DST: variants seen among roughly 807,000 people sequenced by gnomAD.
DST encodes the protein bullous pemphigoid antigen.
In DST, 253 loss-of-function variants were observed where a neutral mutation model predicts 875.2. The observed-to-expected ratio is 0.29, with a 90% confidence interval of 0.26 to 0.32. The LOEUF is 0.32. DST is among the 10% of genes least tolerant of loss of function. The pLI, the probability that DST is intolerant of heterozygous loss-of-function variation, is 1.00. For missense variants in DST, 8,287 were observed against 9,111.6 expected (o/e 0.91, Z 3.68); for synonymous variants, 3,124 against 3,197.1 (o/e 0.98, Z 0.77).
Position 56,629,457 on chromosome 6 carries a change from A to AT in DST, c.4282-15dup. ...AGATCTCCATTGCTAAAATACATTAATTGGTAAAAGTTATAAAAATGTTAA... is the reference window on the plus strand; with the variant it reads ...AGATCTCCATTGCTAAAATACATTAATTTGGTAAAAGTTATAAAAATGTTAA... On this transcript the variant is annotated splice_polypyrimidine_tract_variant and intron_variant, in intron 31 of 103. Coordinates refer to ENST00000680361, the MANE Select transcript of DST (RefSeq NM_001374736.1). 6.2e-7 allele frequency: 1 copy of AT among 1,600,574 alleles called. No homozygotes were observed. The highest frequency in any genetic ancestry group is 8.6e-7 in the Non-Finnish European group (1 of 1,168,428).
At position 56,618,419 on chromosome 6, in the gene DST, G is replaced by A. The variant is rs894649119; in HGVS notation, c.4930-3935C>T. On this transcript the variant is annotated intron_variant, in intron 36 of 103. Transcript: ENST00000680361. ...TGGTTTGAAGGTACAGTCTTTGGCT[G>A]TGCTCTTTTTTTGAATTTCACACTG... 2 of 1,614,168 alleles carry A rather than the reference G, an allele frequency of 1.2e-6. No individual in the cohort carries two copies. The highest frequency in any genetic ancestry group is 1.7e-6 in the Non-Finnish European group (2 of 1,180,026).
chr6:56,887,214 G>A (rs79955446), intron 3 of DST, among the ~76,000 whole-genome samples: 6,430 of 152,226 alleles, frequency 0.042, 448 homozygotes, highest in African/African-American at 0.15. Context: ...AGTCAGATGA[G>A]CTCTAAGATC....
chr6:56,915,519 C>T (rs1476958369), intron 2 of DST, among the ~76,000 whole-genome samples: 3 of 151,884 alleles, frequency 2.0e-5, no homozygotes, highest in African/African-American at 7.3e-5. Flanking sequence ...GTTGTGCAGC[C>T]CACTGAGTGT....
At chr6:56,884,961 A>C (rs1424761211) in intron 3 of DST, among the ~76,000 whole-genome samples, 5 of 152,124 alleles carry the variant, frequency 3.3e-5, no homozygotes, top group African/African-American at 9.7e-5. Context: ...CGATCTCCTG[A>C]CCTCATGATC....
At position 56,845,630 on chromosome 6, in the gene DST, G is replaced by T. The variant is rs192767487; in HGVS notation, c.625+5767C>A. Among the ~76,000 whole-genome samples the T allele has an allele frequency of 9.3e-4, 141 of 152,260 alleles. 1 individual carries two copies. The highest frequency in any genetic ancestry group is 1.9e-3 in the Non-Finnish European group (126 of 68,018). The stretch of plus-strand genomic sequence containing the variant: ...ATGGGACACCTTCTTGAAATAAAAG[G>T]GTTAGCAATTAAGTCCCTGAAAGTC... On this transcript the variant is annotated intron_variant, in intron 4 of 103. Transcript: ENST00000680361.
At chr6:56,565,648 G>C (rs1015642295) in intron 55 of DST, among the ~76,000 whole-genome samples, 2 of 152,198 alleles carry the variant, frequency 1.3e-5, no homozygotes, top group Admixed American at 6.5e-5. Context: ...CTGCTGGGAG[G>C]TGTCTTCCAG....
intron 4 of DST, among the ~76,000 whole-genome samples, chr6:56,756,692 C>A (rs2099604634): frequency 6.6e-6 from 1 of 152,118 alleles, no homozygotes; most frequent in Non-Finnish European, 1.5e-5. Context: ...TAAGACAGAA[C>A]AAAGATCAGA....
At chr6:56,476,787 T>A (rs56344856) in intron 91 of DST, among the ~76,000 whole-genome samples, 159 of 151,528 alleles carry the variant, frequency 1.0e-3, no homozygotes, top group African/African-American at 3.7e-3. Context: ...CCATCTCTAC[T>A]AAAAATACAA....
chr6:56,477,952 ACCAT>A (rs1225653355), intron 90 of DST, among the ~76,000 whole-genome samples: 3 of 152,186 alleles, frequency 2.0e-5, no homozygotes, highest in Non-Finnish European at 2.9e-5. Context: ...TACAGATGCA[ACCAT>A]CCATTTTATT....
intron 8 of DST, 113 bp from the exon 9 acceptor site, chr6:56,699,858 T>C (rs2099286368): frequency 1.9e-6 from 1 of 537,700 alleles, no homozygotes; most frequent in Non-Finnish European, 3.2e-6. Flanking sequence ...TGGAATAATT[T>C]AAACACCAGT....
intron 3 of DST, chr6:56,871,245 G>A (rs1205641296): frequency 1.3e-6 from 1 of 772,974 alleles, no homozygotes; most frequent in African/African-American, 1.7e-5. Context: ...CAAATCAAGA[G>A]GTTCAAATCT....
At chr6:56,684,298 A>T (rs1045799799) in intron 9 of DST, among the ~76,000 whole-genome samples, 1 of 152,262 alleles carries the variant, frequency 6.6e-6, no homozygotes, top group Non-Finnish European at 1.5e-5. Context: ...AAAATAATGC[A>T]ATTTTTATTT....
chr6:56,731,059 G>A (rs1318244351), intron 5 of DST, among the ~76,000 whole-genome samples: 1 of 152,110 alleles, frequency 6.6e-6, no homozygotes, highest in Non-Finnish European at 1.5e-5. Flanking sequence ...AAAGTCCTCA[G>A]GGCCCATCCT....
rs1410270295 is a variant in DST at position 56,641,942 on chromosome 6, C to G, written c.2027+5G>C. 6.2e-7 allele frequency: 1 copy of G among 1,606,092 alleles called. No individual in the cohort carries two copies. The highest frequency in any genetic ancestry group is 8.5e-7 in the Non-Finnish European group (1 of 1,175,822). On this transcript the variant is annotated splice_donor_5th_base_variant and intron_variant, in intron 17 of 103. Transcript: ENST00000680361. Reference sequence around the variant, plus strand: ...GGACAGAGAAAGAATAAGTAGCACTCTTACCTCTGTACCAATTGATCTGCC... The same window carrying G: ...GGACAGAGAAAGAATAAGTAGCACTGTTACCTCTGTACCAATTGATCTGCC...
intron 2 of DST, among the ~76,000 whole-genome samples, chr6:56,930,073 C>A (rs1216464692): frequency 6.6e-6 from 1 of 152,210 alleles, no homozygotes; most frequent in African/African-American, 2.4e-5. Flanking sequence ...ACTAATGGCA[C>A]AAAGTGAGCT....
chr6:56,610,605 T>A, intron 38 of DST, 43 bp from the exon 39 acceptor site: 1 of 1,517,664 alleles, frequency 6.6e-7, no homozygotes. Flanking sequence ...CAAGTCGTCC[T>A]CAAGAGATAA....
intron 2 of DST, among the ~76,000 whole-genome samples, chr6:56,951,674 CT>C (rs1204443845): frequency 6.6e-6 from 1 of 152,180 alleles, no homozygotes; most frequent in African/African-American, 2.4e-5. Flanking sequence ...AAATGGCATT[CT>C]TTGAGTGGTT....
intron 9 of DST, among the ~76,000 whole-genome samples, chr6:56,693,870 G>A (rs1459175863): frequency 6.6e-6 from 1 of 151,400 alleles, no homozygotes; most frequent in East Asian, 1.9e-4. Flanking sequence ...TAATAAAATT[G>A]TTTCTAAAAA....
At position 56,597,895 on chromosome 6, in the gene DST, C is replaced by T; in HGVS notation, c.12040G>A (p.Val4014Ile). The T allele has an allele frequency of 6.2e-7, 1 of 1,613,770 alleles. No individual in the cohort carries two copies. Among genetic ancestry groups the T allele is most frequent in the Non-Finnish European group, 8.5e-7 (1 of 1,179,786 alleles). Residue 4014 changes from valine (V) to isoleucine (I), a missense_variant, in exon 47 of 104, where the codon GTA (valine) becomes ATA (isoleucine). Val to Ile is a conservative substitution (Grantham distance 29, BLOSUM62 3). Coordinates refer to ENST00000680361, the MANE Select transcript of DST (RefSeq NM_001374736.1). Reference sequence around the variant, plus strand: ...AAATGGGTCCCGTTCTGTTCGATTACCTGTTTGTGTTTTGTCCCTGCCCTT... The same window carrying T: ...AAATGGGTCCCGTTCTGTTCGATTATCTGTTTGTGTTTTGTCCCTGCCCTT... ...SERAGTKHKQVIEQNGTHFQE... is the reference protein window; with the variant it reads ...SERAGTKHKQIIEQNGTHFQE...
Sources: allele counts gnomAD v4.1 joint callset (sites outside exome capture counted in the v4.1 genomes callset), GRCh38; gene constraint gnomAD v4.1.1; transcripts MANE v1.5; gene names NCBI Gene and HGNC (gene_info 2026-07-23, HGNC 2026-07-21).